ZBTB25: variants seen among roughly 807,000 people sequenced by gnomAD.
ZBTB25 encodes the protein zinc finger and BTB domain-containing protein 25.
Under a neutral mutation model 34.2 loss-of-function variants are expected in ZBTB25, and 20 were observed. The observed-to-expected ratio is 0.58, with a 90% confidence interval of 0.41 to 0.85. The LOEUF (loss-of-function observed/expected upper bound fraction) is 0.85, where lower values mean the gene tolerates loss of function less well. ZBTB25 is among the 40% of genes least tolerant of loss of function. The pLI, the probability that ZBTB25 is intolerant of heterozygous loss-of-function variation, is 0.00. For missense variants in ZBTB25, 437 were observed against 521.8 expected (o/e 0.84, Z 1.58); for synonymous variants, 175 against 186.4 (o/e 0.94, Z 0.50).
At chr14:64,451,845 A>G (rs1206990631) in intron 2 of ZBTB25, among the ~76,000 whole-genome samples, 1 of 152,222 alleles carries the variant, frequency 6.6e-6, no homozygotes, top group Admixed American at 6.5e-5. Context: ...AGCTCCAGTT[A>G]TGAGATGCAT....
intron 2 of ZBTB25, among the ~76,000 whole-genome samples, chr14:64,451,100 C>T (rs369855738): frequency 3.3e-5 from 5 of 152,186 alleles, no homozygotes; most frequent in South Asian, 2.1e-4. Flanking sequence ...ACCCGGGAGG[C>T]GGACGTTGCA....
At chr14:64,455,374 G>T (rs1298875242) in intron 2 of ZBTB25, among the ~76,000 whole-genome samples, 1 of 152,198 alleles carries the variant, frequency 6.6e-6, no homozygotes, top group Non-Finnish European at 1.5e-5. Context: ...CTTGAGATAT[G>T]AAAGGTGAGG....
chr14:64,463,129 G>A (rs985725680), intron 2 of ZBTB25: 1 of 151,982 alleles, frequency 6.6e-6, no homozygotes, highest in African/African-American at 2.4e-5. Flanking sequence ...TGGGGTAGTA[G>A]ACAATGATAT....
intron 2 of ZBTB25, chr14:64,459,680 A>G (rs1291113441): frequency 4.9e-6 from 6 of 1,219,082 alleles, no homozygotes; most frequent in Non-Finnish European, 1.1e-6. Context: ...GTGAGTGGGT[A>G]ATGGTGCAGT....
At chr14:64,450,786 C>T (rs1208301940) in intron 2 of ZBTB25, among the ~76,000 whole-genome samples, 1 of 152,172 alleles carries the variant, frequency 6.6e-6, no homozygotes, top group Non-Finnish European at 1.5e-5. Context: ...TGGCACACTG[C>T]AGCCTCAACC....
chr14:64,452,572 C>A (rs979823980), intron 2 of ZBTB25, among the ~76,000 whole-genome samples: 1 of 152,236 alleles, frequency 6.6e-6, no homozygotes, highest in Non-Finnish European at 1.5e-5. Flanking sequence ...GACCACTGGT[C>A]TCTGTCCACT....
intron 2 of ZBTB25, chr14:64,467,657 T>A (rs1265656332): frequency 6.6e-6 from 1 of 151,996 alleles, no homozygotes; most frequent in East Asian, 1.9e-4. Flanking sequence ...GTTGCATGGC[T>A]TTTGACAAGA....
chr14:64,449,632 T>C (rs201735186), exon 3 of ZBTB25: 1 of 1,613,766 alleles, frequency 6.2e-7, no homozygotes, highest in Non-Finnish European at 8.5e-7. Flanking sequence ...GGTGGGTGAT[T>C]TGCTGTCTGC....
At chr14:64,469,135 A>C in intron 2 of ZBTB25, 1 of 1,614,160 alleles carries the variant, frequency 6.2e-7, no homozygotes, top group Non-Finnish European at 8.5e-7. Context: ...CCCAGCAAGC[A>C]AGCCCACTTG....
chr14:64,450,310 G>A (rs986299189), intron 2 of ZBTB25, among the ~76,000 whole-genome samples: 14 of 152,186 alleles, frequency 9.2e-5, no homozygotes, highest in Admixed American at 6.5e-5. Flanking sequence ...GGGCTGCATC[G>A]AGCTTACAAA....
intron 2 of ZBTB25, among the ~76,000 whole-genome samples, chr14:64,490,000 G>A (rs2079020995): frequency 1.3e-5 from 2 of 150,132 alleles, no homozygotes; most frequent in African/African-American, 2.4e-5. Flanking sequence ...CTGAGGTCAG[G>A]AGTTTGAGAT....
At chr14:64,499,605 C>A (rs575552321) in intron 1 of ZBTB25, 1 of 151,588 alleles carries the variant, frequency 6.6e-6, no homozygotes, top group Non-Finnish European at 1.5e-5. Context: ...ATCAAAAGTG[C>A]TCCTAAACTG....
intron 1 of ZBTB25, chr14:64,503,144 C>T: frequency 1.0e-6 from 1 of 985,450 alleles, no homozygotes; most frequent in Non-Finnish European, 1.2e-6. Flanking sequence ...AAAGAAAAAC[C>T]GGATATGCTT....
intron 2 of ZBTB25, among the ~76,000 whole-genome samples, chr14:64,464,860 A>G (rs530632758): frequency 6.6e-6 from 1 of 152,342 alleles, no homozygotes; most frequent in East Asian, 1.9e-4. Flanking sequence ...ATAGAGATGC[A>G]GCTGCTCCTG....
chr14:64,497,691 GTATC>G (rs1169353256), intron 1 of ZBTB25, among the ~76,000 whole-genome samples: 2 of 152,078 alleles, frequency 1.3e-5, no homozygotes, highest in East Asian at 3.8e-4. Context: ...CTTTATACTA[GTATC>G]TATGTTTGTT....
At chr14:64,452,840 C>T (rs927416770) in intron 2 of ZBTB25, among the ~76,000 whole-genome samples, 6 of 151,970 alleles carry the variant, frequency 3.9e-5, no homozygotes, top group African/African-American at 1.5e-4. Context: ...GACTGATCTC[C>T]AGTATTAGAA....
Position 64,490,380 on chromosome 14 carries a change from T to C in ZBTB25, c.154A>G (p.Ile52Val). ...CCTTACCTTGTTTGGTGAATAAATA[T>C]CATCTTGAAATAGTTAGAAAAAGCA... The part of the protein sequence containing the change: ...LAAFSNYFKM[I>V]FIHQTSECIK... The change falls in exon 2 of 3, where the codon ATA becomes GTA. Residue 52 changes from isoleucine to valine, a missense_variant. Coordinates refer to ENST00000608382, the MANE Select transcript of ZBTB25 (RefSeq NM_006977.5). 2 of 1,599,368 alleles carry C rather than the reference T, an allele frequency of 1.3e-6. No homozygotes were observed. The highest frequency in any genetic ancestry group is 1.7e-6 in the Non-Finnish European group (2 of 1,171,346).
At chr14:64,503,238 G>A in intron 1 of ZBTB25, 2 of 985,500 alleles carry the variant, frequency 2.0e-6, no homozygotes, top group Non-Finnish European at 2.4e-6. Context: ...AGCTGGGAGT[G>A]GAAACAGTAG....
At chr14:64,471,244 C>T (rs1301717330) in intron 2 of ZBTB25, 4 of 155,780 alleles carry the variant, frequency 2.6e-5, no homozygotes, top group Non-Finnish European at 5.9e-5. Context: ...GCTCCACCTC[C>T]TGGGTTCACA....
Sources: gnomAD v4.1 joint callset for allele counts (sites outside exome capture counted in the v4.1 genomes callset) on GRCh38, gnomAD v4.1.1 for gene constraint, MANE v1.5 for transcripts, NCBI Gene and HGNC (gene_info 2026-07-23, HGNC 2026-07-21) for gene names.